CEP95: variants seen among roughly 807,000 people sequenced by gnomAD.
CEP95 encodes centrosomal protein of 95 kDa.
In CEP95, 98 loss-of-function variants were observed where a neutral mutation model predicts 111.2. The ratio of observed to expected loss-of-function variants is 0.88; its 90% confidence interval spans 0.75 to 1.04. The LOEUF is 1.04. Among genes scored for constraint, CEP95 ranks in the 50% least tolerant of loss-of-function variants. CEP95 has a pLI of 0.00. For synonymous variants in CEP95, 323 were observed against 327.1 expected, an observed-to-expected ratio of 0.99 and a Z score of 0.14; for missense variants, 1,027 against 977.2, an observed-to-expected ratio of 1.05 and a Z score of -0.68.
chr17:64,532,121 T>C, intron 14 of CEP95, 99 bp downstream of exon 14: 1 of 1,373,558 alleles, frequency 7.3e-7, no homozygotes, highest in Non-Finnish European at 9.5e-7. Flanking sequence ...ATCCACCAGT[T>C]AGCCGAAGAA....
intron 17 of CEP95, 103 bp downstream of exon 17, chr17:64,534,840 A>C (rs1555681264): frequency 7.3e-7 from 1 of 1,378,744 alleles, no homozygotes; most frequent in Non-Finnish European, 1.0e-6. Flanking sequence ...TGAATCCAAA[A>C]TCTAAACTGA....
Position 64,532,033 on chromosome 17 carries a change from C to T in CEP95, c.1672+11C>T. On this transcript the variant is annotated intron_variant, in intron 14 of 19. Coordinates refer to ENST00000556440, the MANE Select transcript of CEP95 (RefSeq NM_138363.3). The stretch of plus-strand genomic sequence containing the variant: ...ATAAAGCAGTTCCAAGTAAGAACCA[C>T]AGAATTGTACTTTATGGAAAACTGG... The T allele has an allele frequency of 1.3e-6, 2 of 1,549,808 alleles. No homozygotes were observed. Among genetic ancestry groups the T allele is most frequent in the Non-Finnish European group, 1.7e-6 (2 of 1,155,676 alleles).
At chr17:64,507,805 T>G in intron 1 of CEP95, 1 of 985,468 alleles carries the variant, frequency 1.0e-6, no homozygotes, top group Non-Finnish European at 1.2e-6. Context: ...AGTGGAGATG[T>G]TTGTTTCTAA....
intron 5 of CEP95, 70 bp from the exon 6 acceptor site, chr17:64,519,251 C>A: frequency 2.2e-6 from 2 of 928,396 alleles, no homozygotes; most frequent in Non-Finnish European, 3.5e-6. Context: ...CACCCAGCAG[C>A]TCTCCAGGTC....
At position 64,529,274 on chromosome 17, in the gene CEP95, T is replaced by A. The variant is rs1024007408; in HGVS notation, c.1307-14T>A. 43 of 1,603,752 alleles carry A rather than the reference T, an allele frequency of 2.7e-5. No individual in the cohort carries two copies. The Admixed American group carries it at 5.1e-4, about 19-fold the overall frequency. Reference sequence around the variant, plus strand: ...TATCAGGAACTAATGTTATATGTCTTTTCTCTGTTGCAGGACTTTCCATGC... The same window carrying A: ...TATCAGGAACTAATGTTATATGTCTATTCTCTGTTGCAGGACTTTCCATGC... On this transcript the variant is annotated splice_polypyrimidine_tract_variant and intron_variant, in intron 11 of 19. Transcript: ENST00000556440.
upstream of CEP95, chr17:64,506,969 C>T (rs2038567707): frequency 2.0e-6 from 2 of 1,019,786 alleles, no homozygotes; most frequent in African/African-American, 1.6e-5. Context: ...GTCCTTCTTT[C>T]ACGCCTCCTT....
At chr17:64,507,166 T>A in intron 1 of CEP95, 50 bp downstream of exon 1, 1 of 1,551,112 alleles carries the variant, frequency 6.4e-7, no homozygotes, top group Non-Finnish European at 8.7e-7. Flanking sequence ...ACCGTCCACC[T>A]CCAGGGAGGC....
intron 8 of CEP95, among the ~76,000 whole-genome samples, chr17:64,524,256 A>AAAT (rs1162025575): frequency 6.6e-6 from 1 of 152,200 alleles, no homozygotes; most frequent in Admixed American, 6.5e-5. Flanking sequence ...ACTTTATTTT[A>AAAT]AAAGTTTTAT....
rs1236468587 is a variant in CEP95 at position 64,522,155 on chromosome 17, A to G, written c.716-547A>G. Reference sequence around the variant, plus strand: ...CGTGAGCTCCCGCACCCGGCCTGGAAAAATCATTCTTGTTTCTTATTATCA... The same window carrying G: ...CGTGAGCTCCCGCACCCGGCCTGGAGAAATCATTCTTGTTTCTTATTATCA... On this transcript the variant is annotated intron_variant, in intron 7 of 19. Transcript: ENST00000556440. Among the ~76,000 whole-genome samples, 10 of 152,120 alleles carry G rather than the reference A, an allele frequency of 6.6e-5. No homozygotes were observed. In the South Asian group the frequency reaches 2.1e-3, roughly 32 times the overall value.
At chr17:64,510,648 C>T (rs531989857) in intron 3 of CEP95, among the ~76,000 whole-genome samples, 24 of 152,352 alleles carry the variant, frequency 1.6e-4, no homozygotes, top group African/African-American at 5.8e-4. Context: ...CTCCCAAGCT[C>T]AGGTGATCCT....
chr17:64,518,266 A>T (rs1967028778), intron 5 of CEP95, among the ~76,000 whole-genome samples: 1 of 151,770 alleles, frequency 6.6e-6, no homozygotes, highest in Admixed American at 6.6e-5. Context: ...CATTCCTCTA[A>T]AGTAGAGAGT....
At chr17:64,513,728 C>T (rs1555675666) in intron 3 of CEP95, among the ~76,000 whole-genome samples, 1 of 152,054 alleles carries the variant, frequency 6.6e-6, no homozygotes, top group African/African-American at 2.4e-5. Context: ...GTGGAGAATT[C>T]AGGAATTTCT....
At chr17:64,535,431 C>T (rs1361581910) in intron 17 of CEP95, 1 of 153,668 alleles carries the variant, frequency 6.5e-6, no homozygotes, top group African/African-American at 2.4e-5. Flanking sequence ...TCCCCCTCCT[C>T]AGTGATGTAC....
chr17:64,511,901 T>A (rs570950144), intron 3 of CEP95, among the ~76,000 whole-genome samples: 5 of 152,256 alleles, frequency 3.3e-5, no homozygotes, highest in Non-Finnish European at 7.3e-5. Context: ...AGCCGGTCCC[T>A]CTGTTTGGGG....
At chr17:64,520,997 A>G (rs1221404349) in intron 6 of CEP95, among the ~76,000 whole-genome samples, 1 of 152,170 alleles carries the variant, frequency 6.6e-6, no homozygotes, top group African/African-American at 2.4e-5. Context: ...TAATCCCAGT[A>G]CTTTGGGAGG....
In CEP95 at chr17:64,530,996, T is replaced by A; in HGVS notation, c.1517T>A (p.Ile506Lys). ...CAAGAGAATATTGGACCTCTAAGAATACATGAGAAGGAGGAGGAAACAGTG... is the reference window on the plus strand; with the variant it reads ...CAAGAGAATATTGGACCTCTAAGAAAACATGAGAAGGAGGAGGAAACAGTG... ...KVQENIGPLR[I>K]HEKEEETEKI... Residue 506 changes from isoleucine to lysine, a missense_variant, in exon 13 of 20, where the codon ATA becomes AAA. Coordinates refer to ENST00000556440, the MANE Select transcript of CEP95 (RefSeq NM_138363.3). 6.4e-7 allele frequency: 1 copy of A among 1,551,878 alleles called. No homozygotes were observed. The highest frequency in any genetic ancestry group is 2.4e-5 in the East Asian group (1 of 41,912).
chr17:64,537,583 G>C lies in CEP95; in HGVS notation c.2290-20G>C, dbSNP rs782703502. 6 of 1,576,084 alleles carry C rather than the reference G, an allele frequency of 3.8e-6. No homozygotes were observed. Among genetic ancestry groups the C allele is most frequent in the Non-Finnish European group, 5.2e-6 (6 of 1,155,908 alleles). The stretch of plus-strand genomic sequence containing the variant: ...GGATAAATGCTGTGAACAGCGGGAT[G>C]ACATGCCTTCTTTTTTCAGACATTA... On this transcript the variant is annotated intron_variant, in intron 19 of 19. Coordinates refer to ENST00000556440, the MANE Select transcript of CEP95 (RefSeq NM_138363.3).
rs782462746 is a variant in CEP95, at chr17:64,527,240, T to C, written c.1282T>C (p.Tyr428His). The change falls in exon 11 of 20, where the codon TAT becomes CAT. Residue 428 changes from tyrosine (Y) to histidine (H), a missense_variant. Transcript: ENST00000556440. ...LSQHSDGIVEYGPKKSRPGLS... is the reference protein window; with the variant it reads ...LSQHSDGIVEHGPKKSRPGLS... ...TCAGCACAGTGATGGCATCGTGGAG[T>C]ATGGGCCAAAGAAGTCAAGGCCAGG... 5.6e-6 allele frequency: 9 copies of C among 1,612,162 alleles called. No homozygotes were observed. In the South Asian group the frequency reaches 9.9e-5, roughly 18 times the overall value.
chr17:64,508,586 C>A lies in CEP95; in HGVS notation c.20-6C>A. On this transcript the variant is annotated splice_polypyrimidine_tract_variant and splice_region_variant and intron_variant, in intron 1 of 19. Transcript: ENST00000556440. ...AAGACTGATCTTTCCCCCTTTTTCC[C>A]AACAGAGTGGGTAACCATTGCCAAT... 2 of 1,379,002 alleles carry A rather than the reference C, an allele frequency of 1.5e-6. No individual in the cohort carries two copies. The highest frequency in any genetic ancestry group is 1.9e-5 in the South Asian group (1 of 51,324). 85.4% of individuals were successfully genotyped at this position (1,379,002 alleles called of 1,614,324 possible).
Sources: allele counts gnomAD v4.1 joint callset (sites outside exome capture counted in the v4.1 genomes callset), GRCh38; gene constraint gnomAD v4.1.1; transcripts MANE v1.5; gene names NCBI Gene and HGNC (gene_info 2026-07-23, HGNC 2026-07-21).